The following SUGCT variants were observed in gnomAD, a reference collection of about 807,000 sequenced individuals.
SUGCT encodes the protein succinyl-CoA:glutarate CoA-transferase.
In SUGCT, 41 loss-of-function variants were observed where a neutral mutation model predicts 55.0. The ratio of observed to expected loss-of-function variants is 0.74; its 90% CI spans 0.58 to 0.97. SUGCT has a LOEUF of 0.97. Ranked by LOEUF, SUGCT falls within the 50% of genes least tolerant of loss-of-function variation. The pLI is 0.00. For synonymous variants in SUGCT, 187 were observed against 200.4 expected, an observed-to-expected ratio of 0.93 and a Z score of 0.56; for missense variants, 568 against 547.8, an observed-to-expected ratio of 1.04 and a Z score of -0.37.
chr7:40,470,706 G>A (rs1790357601), intron 11 of SUGCT, among the ~76,000 whole-genome samples: 1 of 151,222 alleles, frequency 6.6e-6, no homozygotes, highest in South Asian at 2.1e-4. Context: ...CACATTTTAT[G>A]TTTACAATAT....
chr7:40,535,056 T>C (rs1456158986), intron 12 of SUGCT, among the ~76,000 whole-genome samples: 1 of 152,218 alleles, frequency 6.6e-6, no homozygotes, highest in Non-Finnish European at 1.5e-5. Context: ...AATATCTTCA[T>C]TATCATTTAT....
At chr7:40,313,498 AATACC>A (rs1795270039) in intron 8 of SUGCT, among the ~76,000 whole-genome samples, 1 of 152,178 alleles carries the variant, frequency 6.6e-6, no homozygotes, top group African/African-American at 2.4e-5. Flanking sequence ...TCAGATTGGT[AATACC>A]CCCTTTAAAC....
At chr7:40,772,399 C>G (rs1453077274) in intron 13 of SUGCT, among the ~76,000 whole-genome samples, 2 of 152,112 alleles carry the variant, frequency 1.3e-5, no homozygotes, top group Non-Finnish European at 2.9e-5. Context: ...TTTGAGCTCA[C>G]AAGCAATTCT....
intron 11 of SUGCT, among the ~76,000 whole-genome samples, chr7:40,491,904 C>T (rs577542917): frequency 1.5e-4 from 23 of 151,992 alleles, no homozygotes; most frequent in Non-Finnish European, 3.2e-4. Flanking sequence ...GCTGGAGAAT[C>T]GCTTGAACCT....
chr7:40,876,020 G>T, the SUGCT span, among the ~76,000 whole-genome samples: 1 of 152,236 alleles, frequency 6.6e-6, no homozygotes, highest in African/African-American at 2.4e-5. Flanking sequence ...GAGGGGAAAA[G>T]AACCTGGGTT....
chr7:40,234,965 T>C (rs1024408444), intron 6 of SUGCT, among the ~76,000 whole-genome samples: 2 of 151,964 alleles, frequency 1.3e-5, no homozygotes, highest in Non-Finnish European at 2.9e-5. Context: ...TTTTTCTTCA[T>C]GTAACAGTTC....
chr7:40,172,318 G>A (rs773198183), intron 1 of SUGCT, among the ~76,000 whole-genome samples: 13 of 152,128 alleles, frequency 8.5e-5, no homozygotes, highest in Non-Finnish European at 1.8e-4. Context: ...TTGGGGTCCT[G>A]GCAAGGGTGG....
intron 11 of SUGCT, among the ~76,000 whole-genome samples, chr7:40,490,652 G>C (rs1460304985): frequency 1.3e-5 from 2 of 152,122 alleles, no homozygotes; most frequent in Non-Finnish European, 2.9e-5. Flanking sequence ...CTTTGTGGAG[G>C]AGTTCAGCTA....
At chr7:40,768,803 C>G (rs1055069238) in intron 13 of SUGCT, among the ~76,000 whole-genome samples, 1 of 152,158 alleles carries the variant, frequency 6.6e-6, no homozygotes, top group African/African-American at 2.4e-5. Context: ...TTGTAAATAC[C>G]TAACCAGACC....
chr7:40,730,115 GT>G (rs1437109871), intron 12 of SUGCT, among the ~76,000 whole-genome samples: 2 of 152,022 alleles, frequency 1.3e-5, no homozygotes, highest in Non-Finnish European at 2.9e-5. Flanking sequence ...ATAGTATTTT[GT>G]TTTGTTTTTG....
chr7:40,308,320 C>T (rs974327855), intron 8 of SUGCT, among the ~76,000 whole-genome samples: 6 of 152,030 alleles, frequency 3.9e-5, no homozygotes, highest in African/African-American at 1.4e-4. Flanking sequence ...GGGTTTGGGT[C>T]AGGATTTTTC....
chr7:40,368,255 A>G (rs1179525657), intron 9 of SUGCT, among the ~76,000 whole-genome samples: 3 of 149,964 alleles, frequency 2.0e-5, no homozygotes, highest in African/African-American at 4.8e-5. Context: ...CTGGAGTACA[A>G]TGGCTGATCT....
At chr7:40,742,296 TAAC>T (rs1413313246) in intron 12 of SUGCT, among the ~76,000 whole-genome samples, 1 of 152,096 alleles carries the variant, frequency 6.6e-6, no homozygotes, top group East Asian at 1.9e-4. Context: ...AGAAGTAAGA[TAAC>T]AAAAAAAGTC....
intron 7 of SUGCT, among the ~76,000 whole-genome samples, chr7:40,246,065 AT>A (rs1789854020): frequency 1.3e-5 from 2 of 151,906 alleles, no homozygotes; most frequent in Admixed American, 6.6e-5. Flanking sequence ...GATTATTATT[AT>A]TTTTTTAAAT....
chr7:40,908,589 T>C, the SUGCT span, among the ~76,000 whole-genome samples: 1 of 152,156 alleles, frequency 6.6e-6, no homozygotes, highest in African/African-American at 2.4e-5. Flanking sequence ...TATCATAAGC[T>C]TTAACATTTG....
At chr7:40,602,258 C>T (rs1798328785) in intron 12 of SUGCT, among the ~76,000 whole-genome samples, 1 of 152,100 alleles carries the variant, frequency 6.6e-6, no homozygotes, top group South Asian at 2.1e-4. Flanking sequence ...CTGTGCTTTG[C>T]CATGGTTACC....
chr7:40,596,938 A>T (rs1459254124), intron 12 of SUGCT, among the ~76,000 whole-genome samples: 2 of 152,216 alleles, frequency 1.3e-5, no homozygotes, highest in South Asian at 2.1e-4. Flanking sequence ...GAGATCAAGT[A>T]TCATGTATCT....
chr7:40,187,030 C>A (rs1453247326), intron 3 of SUGCT, among the ~76,000 whole-genome samples: 1 of 152,086 alleles, frequency 6.6e-6, no homozygotes, highest in African/African-American at 2.4e-5. Context: ...GACTTGGAAC[C>A]AACCCAAATG....
intron 13 of SUGCT, among the ~76,000 whole-genome samples, chr7:40,795,243 G>A (rs1790495351): frequency 6.6e-6 from 1 of 152,074 alleles, no homozygotes. Flanking sequence ...CTTCCCCAAA[G>A]CCATAGAGGT....
Sources: allele counts gnomAD v4.1 joint callset (sites outside exome capture counted in the v4.1 genomes callset), GRCh38; gene constraint gnomAD v4.1.1; transcripts MANE v1.5; gene names NCBI Gene and HGNC (gene_info 2026-07-23, HGNC 2026-07-21).